The following CFAP92 variants were observed in gnomAD, a reference collection of about 807,000 sequenced individuals.
CFAP92 encodes the protein cilia and flagella associated protein 92 (putative).
CFAP92 carries 86 observed loss-of-function variants against 106.3 expected under a neutral mutation model. The ratio of observed to expected loss-of-function variants is 0.81; its 90% CI spans 0.68 to 0.97. CFAP92 has a LOEUF of 0.97. CFAP92 is among the 50% of genes least tolerant of loss of function. The probability of loss-of-function intolerance (pLI) is 0.00; values close to 1 mark genes in which losing one functional copy is unlikely to be tolerated. For synonymous variants in CFAP92, 477 were observed against 506.4 expected (o/e 0.94, Z 0.78); for missense variants, 1,204 against 1,283.8 (o/e 0.94, Z 0.95).
intron 10 of CFAP92, among the ~76,000 whole-genome samples, chr3:128,937,532 G>A (rs1275319951): frequency 2.0e-5 from 3 of 151,786 alleles, no homozygotes; most frequent in East Asian, 3.9e-4. Context: ...CTCAGGAGGC[G>A]GAGCTTGCGG....
chr3:128,916,481 A>C (rs1039672549), intron 12 of CFAP92, among the ~76,000 whole-genome samples: 4 of 152,198 alleles, frequency 2.6e-5, no homozygotes, highest in Non-Finnish European at 1.5e-5. Context: ...AAGAGGACCA[A>C]AAAATTGAGA....
chr3:128,944,130 A>G (rs1216591481), intron 10 of CFAP92, among the ~76,000 whole-genome samples: 1 of 151,558 alleles, frequency 6.6e-6, no homozygotes, highest in East Asian at 1.9e-4. Context: ...AGGTATCACT[A>G]TGTTGCCCAG....
At chr3:128,956,196 T>G (rs77970101) in intron 9 of CFAP92, among the ~76,000 whole-genome samples, 1 of 61,716 alleles carries the variant, frequency 1.6e-5, no homozygotes. Flanking sequence ...AAAAAAAAAA[T>G]AAAAAAAAAA....
the CFAP92 span, among the ~76,000 whole-genome samples, chr3:129,015,953 C>T: frequency 6.6e-6 from 1 of 152,204 alleles, no homozygotes; most frequent in Admixed American, 6.5e-5. Flanking sequence ...GCCTGATGGC[C>T]CAAAGTAGCC....
chr3:128,917,618 A>C (rs1446804671), intron 12 of CFAP92, among the ~76,000 whole-genome samples: 1 of 152,218 alleles, frequency 6.6e-6, no homozygotes, highest in Non-Finnish European at 1.5e-5. Flanking sequence ...ATTTAACATA[A>C]GAAATTGTTT....
intron 9 of CFAP92, among the ~76,000 whole-genome samples, chr3:128,949,020 T>C (rs1940533942): frequency 6.6e-6 from 1 of 152,180 alleles, no homozygotes; most frequent in Non-Finnish European, 1.5e-5. Context: ...ATGATAACAA[T>C]ACAAACTTCT....
At chr3:128,979,172 A>C (rs1292526668) in intron 4 of CFAP92, among the ~76,000 whole-genome samples, 1 of 152,286 alleles carries the variant, frequency 6.6e-6, no homozygotes, top group Non-Finnish European at 1.5e-5. Flanking sequence ...GAAGACATCT[A>C]TGCAGCCAAC....
rs142397837 is a variant in CFAP92, at chr3:128,910,485, T to C, written c.3281-152A>G. Among the ~76,000 whole-genome samples, 1,683 of 152,294 alleles carry C rather than the reference T, an allele frequency of 0.011. 14 individuals carry two copies. Among genetic ancestry groups the C allele is most frequent in the Non-Finnish European group, 0.017 (1,157 of 68,024 alleles). ...TATACCAGGATCTCTGCCTGCACTT[T>C]CCAGAGCACCTGCAGATACCAGGAT... is the stretch of plus-strand genomic sequence containing the variant. On this transcript the variant is annotated intron_variant, in intron 15 of 15. Coordinates refer to ENST00000645291, the MANE Select transcript of CFAP92 (RefSeq NM_001394090.1).
At chr3:128,936,802 C>A (rs2107712967) in intron 10 of CFAP92, among the ~76,000 whole-genome samples, 1 of 152,256 alleles carries the variant, frequency 6.6e-6, no homozygotes, top group Admixed American at 6.5e-5. Context: ...TGTGTGTGTA[C>A]CTCAAATTGT....
At chr3:129,026,697 CTT>C in the CFAP92 span, among the ~76,000 whole-genome samples, 1 of 152,172 alleles carries the variant, frequency 6.6e-6, no homozygotes, top group African/African-American at 2.4e-5. Flanking sequence ...TCCCTTGTGT[CTT>C]TTCTTCTCCA....
At chr3:128,972,524 A>C (rs1335645739) in intron 7 of CFAP92, among the ~76,000 whole-genome samples, 1 of 151,682 alleles carries the variant, frequency 6.6e-6, no homozygotes, top group Non-Finnish European at 1.5e-5. Flanking sequence ...TTACAGGTGT[A>C]AGCCACCGCA....
chr3:128,916,410 C>A, intron 12 of CFAP92, 139 bp from the exon 13 acceptor site: 4 of 586,814 alleles, frequency 6.8e-6, no homozygotes, highest in Non-Finnish European at 1.0e-5. Flanking sequence ...GCTGTTATTT[C>A]ATCATAGAAC....
chr3:128,975,669 A>G, intron 7 of CFAP92, 110 bp downstream of exon 7: 2 of 984,258 alleles, frequency 2.0e-6, no homozygotes, highest in East Asian at 2.7e-5. Context: ...TTTGAGAAAC[A>G]TTTTGTCAAA....
intron 4 of CFAP92, among the ~76,000 whole-genome samples, chr3:128,979,425 A>C (rs1483335369): frequency 1.3e-5 from 2 of 152,166 alleles, no homozygotes; most frequent in Non-Finnish European, 2.9e-5. Flanking sequence ...ATACCATTTG[A>C]CCCAGCCATC....
At chr3:128,912,788 A>G (rs1936489982) in intron 15 of CFAP92, 1 of 739,938 alleles carries the variant, frequency 1.4e-6, no homozygotes, top group Non-Finnish European at 2.5e-6. Flanking sequence ...ACCTGCAGGC[A>G]GTGCTCTCTA....
the CFAP92 span, among the ~76,000 whole-genome samples, chr3:129,016,215 A>G: frequency 6.6e-6 from 1 of 152,138 alleles, no homozygotes; most frequent in African/African-American, 2.4e-5. Flanking sequence ...CTGTACAGGT[A>G]TTCTGCATAT....
the CFAP92 span, among the ~76,000 whole-genome samples, chr3:129,018,110 A>G: frequency 1.3e-5 from 2 of 152,158 alleles, no homozygotes; most frequent in Non-Finnish European, 2.9e-5. Context: ...CTTGGTTTCA[A>G]TTATTCTATA....
chr3:128,929,606 T>C (rs951947259), intron 12 of CFAP92, among the ~76,000 whole-genome samples: 1 of 152,242 alleles, frequency 6.6e-6, no homozygotes, highest in African/African-American at 2.4e-5. Context: ...AACACACCGC[T>C]GATATATTCA....
chr3:128,918,831 C>T (rs192135795), intron 12 of CFAP92, among the ~76,000 whole-genome samples: 1 of 151,964 alleles, frequency 6.6e-6, no homozygotes, highest in Non-Finnish European at 1.5e-5. Flanking sequence ...AAAACTTGAT[C>T]TATCCAAGGA....
Sources: gnomAD v4.1 joint callset for allele counts (sites outside exome capture counted in the v4.1 genomes callset) on GRCh38, gnomAD v4.1.1 for gene constraint, MANE v1.5 for transcripts, NCBI Gene and HGNC (gene_info 2026-07-23, HGNC 2026-07-21) for gene names.